Variants in WDR25 observed in about 807,000 individuals in gnomAD.
The protein encoded by WDR25 is WD repeat domain 25, also known as WD repeat-containing protein 25.
In WDR25, 35 loss-of-function variants were observed where a neutral mutation model predicts 47.7. That is an observed-to-expected ratio of 0.73 (90% CI 0.56 to 0.97). The LOEUF (loss-of-function observed/expected upper bound fraction) is 0.97, where lower values mean the gene tolerates loss of function less well. Ranked by LOEUF, WDR25 falls within the 50% of genes least tolerant of loss-of-function variation. The pLI, the probability that WDR25 is intolerant of heterozygous loss-of-function variation, is 0.00. For missense variants in WDR25, 634 were observed against 704.7 expected, an observed-to-expected ratio of 0.90 and a Z score of 1.14; for synonymous variants, 248 against 278.9, an observed-to-expected ratio of 0.89 and a Z score of 1.10.
At chr14:100,512,842 T>C (rs1213560540) in intron 4 of WDR25, among the ~76,000 whole-genome samples, 1 of 152,256 alleles carries the variant, frequency 6.6e-6, no homozygotes, top group Non-Finnish European at 1.5e-5. Flanking sequence ...TCCTGATCCA[T>C]GATTTATTTA....
intron 3 of WDR25, among the ~76,000 whole-genome samples, chr14:100,474,230 T>A (rs891310662): frequency 3.3e-5 from 5 of 152,234 alleles, no homozygotes; most frequent in African/African-American, 1.2e-4. Flanking sequence ...CAATCTTGTT[T>A]TCTCTTTCCT....
intron 2 of WDR25, among the ~76,000 whole-genome samples, chr14:100,384,463 G>A (rs564287721): frequency 1.3e-5 from 2 of 152,338 alleles, no homozygotes; most frequent in South Asian, 2.1e-4. Context: ...CAGAAGTCCC[G>A]GCTGAGGCCT....
intron 2 of WDR25, among the ~76,000 whole-genome samples, chr14:100,395,653 G>A (rs548502575): frequency 4.0e-4 from 61 of 152,316 alleles, no homozygotes; most frequent in Middle Eastern, 3.4e-3. Flanking sequence ...TAATGAGCTC[G>A]TCTGTAAAAT....
intron 1 of WDR25, among the ~76,000 whole-genome samples, chr14:100,380,039 C>T (rs1014127310): frequency 9.2e-5 from 9 of 98,046 alleles, no homozygotes; most frequent in Non-Finnish European, 1.6e-4. Flanking sequence ...CTGCACCCAG[C>T]GCTTTTTTCT....
intron 4 of WDR25, among the ~76,000 whole-genome samples, chr14:100,493,292 C>A (rs1393994468): frequency 6.6e-6 from 1 of 152,180 alleles, no homozygotes; most frequent in Non-Finnish European, 1.5e-5. Flanking sequence ...CCTATCCCCC[C>A]AGTGCCCCAG....
At chr14:100,439,058 G>A (rs895974911) in intron 2 of WDR25, among the ~76,000 whole-genome samples, 2 of 152,222 alleles carry the variant, frequency 1.3e-5, no homozygotes, top group Non-Finnish European at 2.9e-5. Flanking sequence ...GGAGCAGTAG[G>A]GAGTGGGGCT....
chr14:100,456,908 A>G (rs1407725239), intron 2 of WDR25, among the ~76,000 whole-genome samples: 4 of 152,218 alleles, frequency 2.6e-5, no homozygotes, highest in Non-Finnish European at 5.9e-5. Context: ...GGCACAGGAA[A>G]CATGAAGAAA....
intron 4 of WDR25, among the ~76,000 whole-genome samples, chr14:100,494,934 G>A (rs1215764750): frequency 1.3e-5 from 2 of 152,042 alleles, no homozygotes; most frequent in Non-Finnish European, 2.9e-5. Context: ...GAGGCCAGGA[G>A]TTAGAGAGCA....
chr14:100,385,701 C>T (rs1157493863), intron 2 of WDR25, among the ~76,000 whole-genome samples: 1 of 152,206 alleles, frequency 6.6e-6, no homozygotes, highest in Non-Finnish European at 1.5e-5. Flanking sequence ...CCTTCCTCCC[C>T]TTGTCTGTGA....
intron 2 of WDR25, among the ~76,000 whole-genome samples, chr14:100,466,550 G>C (rs1899634237): frequency 6.6e-6 from 1 of 152,210 alleles, no homozygotes; most frequent in Non-Finnish European, 1.5e-5. Flanking sequence ...ATTATGCCAT[G>C]TGCTGTGCAG....
rs866193637 is a variant in WDR25, at chr14:100,459,909, T to C, written c.823-8112T>C. 7.8e-4 allele frequency among the ~76,000 whole-genome samples: 36 copies of C among 46,164 alleles called. 2 individuals carry two copies. Among genetic ancestry groups the C allele is most frequent in the African/African-American group, 3.4e-3 (33 of 9,606 alleles). The allele number at this position is 46,164 out of a possible 152,430, so 30.3% of individuals were successfully genotyped here. A position where few individuals can be genotyped will look rare whatever the true frequency, so the allele number is the denominator to read the frequency against. ...GTGTGTGTGTGTATATATATATATA[T>C]ATATATATATATATATATATATATA... is the stretch of plus-strand genomic sequence containing the variant. On this transcript the variant is annotated intron_variant, in intron 2 of 6. Transcript: ENST00000402312.
At chr14:100,376,778 C>G in intron 1 of WDR25, 1 of 1,215,600 alleles carries the variant, frequency 8.2e-7, no homozygotes, top group East Asian at 3.2e-5. Flanking sequence ...GATTTCCACC[C>G]ACACCAGACC....
chr14:100,430,779 C>T lies in WDR25; in HGVS notation c.823-37242C>T, dbSNP rs112932623. Among the ~76,000 whole-genome samples, 7,351 of 152,198 alleles carry T rather than the reference C, an allele frequency of 0.048. 570 individuals are homozygous for T. Among genetic ancestry groups the T allele is most frequent in the African/African-American group, 0.17 (6,956 of 41,484 alleles). Reference sequence around the variant, plus strand: ...GCGGAGTGGGCCTGCACAGATGAGGCTTGCTTCGTGCTCCCCAGCCTGGCA... The same window carrying T: ...GCGGAGTGGGCCTGCACAGATGAGGTTTGCTTCGTGCTCCCCAGCCTGGCA... On this transcript the variant is annotated intron_variant, in intron 2 of 6. Coordinates refer to ENST00000402312, the MANE Select transcript of WDR25 (RefSeq NM_001161476.3). This position sits in a 1 kb window ranked among gnomAD's most constrained non-coding sequence, Gnocchi z 4.7.
At chr14:100,426,608 T>C (rs1898176591) in intron 2 of WDR25, among the ~76,000 whole-genome samples, 2 of 152,226 alleles carry the variant, frequency 1.3e-5, no homozygotes, top group African/African-American at 4.8e-5. Context: ...TCCAGAGCTC[T>C]TCACTCTGCC....
intron 2 of WDR25, among the ~76,000 whole-genome samples, chr14:100,422,468 G>A (rs1033088628): frequency 1.3e-5 from 2 of 152,212 alleles, no homozygotes; most frequent in African/African-American, 4.8e-5. Flanking sequence ...GGGCAAGGGA[G>A]ATTGGACTCC....
rs112823935 is a variant in WDR25, at chr14:100,413,172, G to A, written c.822+31426G>A. Among the ~76,000 whole-genome samples the A allele has an allele frequency of 7.0e-3, 1,073 of 152,252 alleles. 5 individuals are homozygous for A. The highest frequency in any genetic ancestry group is 0.021 in the African/African-American group (865 of 41,530). ...TAAAAAGGTAAATTAACTCTATGGA[G>A]ATATAACTTAACAATAAAATGCAGC... On this transcript the variant is annotated intron_variant, in intron 2 of 6. Transcript: ENST00000402312.
At chr14:100,469,812 G>C (rs1899767754) in intron 3 of WDR25, among the ~76,000 whole-genome samples, 1 of 152,196 alleles carries the variant, frequency 6.6e-6, no homozygotes, top group Non-Finnish European at 1.5e-5. Context: ...ACACACACTG[G>C]CCAGGGGCAC....
chr14:100,496,970 G>C (rs189752105), intron 4 of WDR25, among the ~76,000 whole-genome samples: 13 of 151,170 alleles, frequency 8.6e-5, no homozygotes, highest in African/African-American at 3.2e-4. Flanking sequence ...AGAATAGCTG[G>C]GACTACAGGC....
intron 2 of WDR25, among the ~76,000 whole-genome samples, chr14:100,399,519 C>G (rs1897329372): frequency 6.6e-6 from 1 of 152,158 alleles, no homozygotes; most frequent in African/African-American, 2.4e-5. Flanking sequence ...GCATTTCCTC[C>G]TTTCCGTCCC....
Sources: gnomAD v4.1 joint callset for allele counts (sites outside exome capture counted in the v4.1 genomes callset) on GRCh38, gnomAD v4.1.1 for gene constraint, Gnocchi (gnomAD v3.1) non-coding constraint, MANE v1.5 for transcripts, NCBI Gene and HGNC (gene_info 2026-07-23, HGNC 2026-07-21) for gene names.